HERC4: variants seen among roughly 807,000 people sequenced by gnomAD.
HERC4 encodes HECT and RLD domain containing E3 ubiquitin protein ligase 4, also known as probable E3 ubiquitin-protein ligase HERC4.
In HERC4, 28 loss-of-function variants were observed where a neutral mutation model predicts 124.3. The ratio of observed to expected loss-of-function variants is 0.23; its 90% confidence interval spans 0.17 to 0.31. The LOEUF is 0.31. Among genes scored for constraint, HERC4 ranks in the 10% least tolerant of loss-of-function variants. The pLI is 1.00. For missense variants in HERC4, 713 were observed against 1,229.3 expected, an observed-to-expected ratio of 0.58 and a Z score of 6.28; for synonymous variants, 407 against 421.5, an observed-to-expected ratio of 0.97 and a Z score of 0.42.
At chr10:67,986,495 G>A (rs35148717) in intron 15 of HERC4, among the ~76,000 whole-genome samples, 9,301 of 152,166 alleles carry the variant, frequency 0.061, 321 homozygotes, top group East Asian at 0.11. Context: ...TGGAATTACA[G>A]GCATGCACCA....
At chr10:67,955,306 AG>A in intron 17 of HERC4, 176 bp from the exon 18 acceptor site, 1 of 544,922 alleles carries the variant, frequency 1.8e-6, no homozygotes, top group Non-Finnish European at 3.1e-6. Context: ...GAGCATAAAG[AG>A]TACCCTTTTG....
chr10:67,946,229 C>G (rs1363064585), intron 19 of HERC4, among the ~76,000 whole-genome samples: 1 of 150,564 alleles, frequency 6.6e-6, no homozygotes, highest in Non-Finnish European at 1.5e-5. Flanking sequence ...GCCTGGGTGA[C>G]AGAGCAAGAC....
At chr10:67,996,574 T>C (rs1318710386) in intron 9 of HERC4, among the ~76,000 whole-genome samples, 1 of 152,214 alleles carries the variant, frequency 6.6e-6, no homozygotes, top group East Asian at 1.9e-4. Flanking sequence ...AAATCATTAA[T>C]ACTTAACGTA....
intron 24 of HERC4, among the ~76,000 whole-genome samples, chr10:67,924,355 G>C (rs1359904365): frequency 1.3e-5 from 2 of 152,128 alleles, no homozygotes; most frequent in Non-Finnish European, 2.9e-5. Flanking sequence ...ATTTCATTCT[G>C]TAAACATCAT....
intron 3 of HERC4, among the ~76,000 whole-genome samples, chr10:68,054,882 C>T (rs2040476310): frequency 6.6e-6 from 1 of 151,996 alleles, no homozygotes; most frequent in Non-Finnish European, 1.5e-5. Context: ...AAACAAAGTG[C>T]AACTATTGTT....
At chr10:68,028,445 C>G (rs545435) in intron 7 of HERC4, among the ~76,000 whole-genome samples, 93,087 of 152,006 alleles carry the variant, frequency 0.61, 31,341 homozygotes, top group African/African-American at 0.9. Context: ...CTTCTGAGAG[C>G]ACCGTAGTAA....
intron 19 of HERC4, among the ~76,000 whole-genome samples, chr10:67,942,210 G>T (rs1478785303): frequency 2.0e-5 from 3 of 152,144 alleles, no homozygotes. Context: ...TCTAGCCTCT[G>T]TGTTTTCAAA....
intron 3 of HERC4, among the ~76,000 whole-genome samples, chr10:68,065,595 T>C (rs1317083508): frequency 6.6e-6 from 1 of 151,912 alleles, no homozygotes; most frequent in Non-Finnish European, 1.5e-5. Flanking sequence ...TAATAAGGCC[T>C]GGCGTGGTGG....
chr10:67,956,666 GATT>G lies in HERC4; in HGVS notation c.2025+209_2025+211del, dbSNP rs769617441. ...TTATACAATTTTTAATATATAAAAT[GATT>G]ATAGGTTAAGTTATTCCATTTTCAC... On this transcript the variant is annotated intron_variant, in intron 17 of 24. Transcript: ENST00000373700. The G allele has an allele frequency of 1.9e-4, 67 of 345,036 alleles. 1 individual carries two copies. The Admixed American group carries it at 2.0e-3, about 10-fold the overall frequency. The allele number at this position is 345,036 out of a possible 1,614,324, so 21.4% of individuals were successfully genotyped here.
chr10:67,960,760 TC>T, intron 16 of HERC4: 1 of 217,694 alleles, frequency 4.6e-6, no homozygotes, highest in Non-Finnish European at 9.0e-6. Context: ...ACCTGTCACA[TC>T]CCCAGTAGCC....
intron 19 of HERC4, among the ~76,000 whole-genome samples, chr10:67,946,281 T>A (rs1459739381): frequency 2.7e-5 from 4 of 147,554 alleles, no homozygotes; most frequent in Non-Finnish European, 5.9e-5. Flanking sequence ...TAACTCCTTA[T>A]CAATCAATAT....
intron 11 of HERC4, among the ~76,000 whole-genome samples, chr10:67,991,907 T>A (rs867668841): frequency 1.3e-5 from 2 of 151,716 alleles, no homozygotes; most frequent in Non-Finnish European, 2.9e-5. Flanking sequence ...CCATGGATAT[T>A]TTTTTTTGGA....
At chr10:67,938,156 A>G (rs934444720) in intron 21 of HERC4, among the ~76,000 whole-genome samples, 1 of 151,980 alleles carries the variant, frequency 6.6e-6, no homozygotes, top group Non-Finnish European at 1.5e-5. Context: ...AAAAAATAAA[A>G]AAGAGGCCAG....
chr10:67,931,171 G>A (rs2031762538), intron 23 of HERC4, among the ~76,000 whole-genome samples: 1 of 150,134 alleles, frequency 6.7e-6, no homozygotes, highest in Non-Finnish European at 1.5e-5. Flanking sequence ...TAGTAGAGAC[G>A]GGGTTTCACT....
rs758847630 is a variant in HERC4 at position 68,073,066 on chromosome 10, C to T, written c.43G>A (p.Gly15Ser). ...AGTACAATTTCTTCATCAATTCCAC[C>T]CAAACCTAGCTGCCCAAAGGATGCA... ...GNASFGQLGL[G>S]GIDEEIVLEP... The change falls in exon 3 of 25, where the codon GGT becomes AGT. Residue 15 changes from glycine (G) to serine (S), a missense_variant. Coordinates refer to ENST00000373700, the MANE Select transcript of HERC4 (RefSeq NM_015601.4). 9.9e-6 allele frequency: 16 copies of T among 1,613,782 alleles called. No homozygotes were observed. The East Asian group carries it at 3.6e-4, about 36-fold the overall frequency.
chr10:68,059,797 ATAT>A (rs1402051538), intron 3 of HERC4, among the ~76,000 whole-genome samples: 3 of 83,102 alleles, frequency 3.6e-5, no homozygotes, highest in Non-Finnish European at 5.5e-5. Flanking sequence ...ATATATCATA[ATAT>A]TATATATTAT....
At chr10:68,037,133 C>T (rs190721375) in intron 5 of HERC4, among the ~76,000 whole-genome samples, 4 of 140,448 alleles carry the variant, frequency 2.8e-5, no homozygotes, top group Admixed American at 7.6e-5. Flanking sequence ...CTCGCTCTGT[C>T]GCCCAGGCTG....
In HERC4 at chr10:68,034,105, T is replaced by C; in HGVS notation, c.545A>G (p.Gln182Arg). The stretch of plus-strand genomic sequence containing the variant: ...GATTCCAAGCAAAGACTTAAGCAGC[T>C]GCGGTGAAGTTTGCTTTTTACAGTC... ...GTDCKKQTSPQLLKSLLGIPF... is the reference protein window; with the variant it reads ...GTDCKKQTSPRLLKSLLGIPF... The change falls in exon 6 of 25, where the codon CAG (glutamine) becomes CGG (arginine). Residue 182 changes from glutamine to arginine, a missense_variant. Coordinates refer to ENST00000373700, the MANE Select transcript of HERC4 (RefSeq NM_015601.4). 6.2e-7 allele frequency: 1 copy of C among 1,614,168 alleles called. No individual in the cohort carries two copies. The highest frequency in any genetic ancestry group is 1.6e-4 in the Middle Eastern group (1 of 6,062).
In HERC4 at chr10:67,955,150, CA is replaced by C; in HGVS notation, c.2026-21del. The C allele has an allele frequency of 6.4e-7, 1 of 1,567,192 alleles. No individual in the cohort carries two copies. The highest frequency in any genetic ancestry group is 1.2e-5 in the South Asian group (1 of 84,650). ...AGCCATCTGGAAAACAAAAGATTAA[CA>C]TTTTAACAGCAATGCTACAATAAAG... On this transcript the variant is annotated intron_variant, in intron 17 of 24. Transcript: ENST00000373700.
Sources: gnomAD v4.1 joint callset for allele counts (sites outside exome capture counted in the v4.1 genomes callset) on GRCh38, gnomAD v4.1.1 for gene constraint, MANE v1.5 for transcripts, NCBI Gene and HGNC (gene_info 2026-07-23, HGNC 2026-07-21) for gene names.